The following VPS35L variants were observed in gnomAD, a reference collection of about 807,000 sequenced individuals.
The protein encoded by VPS35L is VPS35 endosomal protein-sorting factor-like.
VPS35L carries 83 observed loss-of-function variants against 133.0 expected under a neutral mutation model. That is an observed-to-expected ratio of 0.62 (90% CI 0.52 to 0.75). VPS35L has a LOEUF of 0.75. Among genes scored for constraint, VPS35L ranks in the 30% least tolerant of loss-of-function variants. VPS35L has a pLI of 0.00. For synonymous variants in VPS35L, 423 were observed against 449.9 expected (o/e 0.94, Z 0.76); for missense variants, 1,083 against 1,206.8 (o/e 0.90, Z 1.52).
chr16:19,698,457 T>C (rs56108048), intron 29 of VPS35L, among the ~76,000 whole-genome samples: 31,334 of 152,112 alleles, frequency 0.21, 3,615 homozygotes, highest in African/African-American at 0.28. Context: ...ATCTAAGATA[T>C]GCTCCCTACC....
chr16:19,674,445 C>T (rs1363849505), intron 27 of VPS35L, among the ~76,000 whole-genome samples: 2 of 151,924 alleles, frequency 1.3e-5, no homozygotes, highest in African/African-American at 2.4e-5. Flanking sequence ...ATCTGCCTGC[C>T]TTGGCCTCCC....
chr16:19,682,870 G>GA (rs560107359), intron 28 of VPS35L, among the ~76,000 whole-genome samples: 18 of 150,354 alleles, frequency 1.2e-4, no homozygotes, highest in Non-Finnish European at 2.1e-4. Context: ...TCCCAAAAAG[G>GA]AAAAAAAAGA....
At chr16:19,638,989 C>CAGGTGTGGTG (rs1246958219) in intron 20 of VPS35L, among the ~76,000 whole-genome samples, 7 of 152,098 alleles carry the variant, frequency 4.6e-5, no homozygotes, top group African/African-American at 1.7e-4. Flanking sequence ...GCCTGTAGTC[C>CAGGTGTGGTG]CAGCTACTGG....
intron 26 of VPS35L, among the ~76,000 whole-genome samples, chr16:19,655,950 T>C (rs893179068): frequency 2.0e-5 from 3 of 152,006 alleles, no homozygotes; most frequent in Non-Finnish European, 4.4e-5. Context: ...ATCTTTACAG[T>C]TTATAATCTA....
rs58794831 is a variant in VPS35L at position 19,570,834 on chromosome 16, C to CAT, written c.285+1298_285+1299dup. 4.3e-3 allele frequency among the ~76,000 whole-genome samples: 338 copies of CAT among 78,626 alleles called. 2 individuals are homozygous for CAT. Among genetic ancestry groups the CAT allele is most frequent in the Non-Finnish European group, 7.1e-3 (256 of 35,942 alleles). The allele number at this position is 78,626 out of a possible 152,430, so 51.6% of individuals were successfully genotyped here. On this transcript the variant is annotated intron_variant, in intron 3 of 30. Transcript: ENST00000417362. Reference sequence around the variant, plus strand: ...TCGATCATCATCCTATGCTGTGTTTCATATATATATATATATATATATATA... The same window carrying CAT: ...TCGATCATCATCCTATGCTGTGTTTCATATATATATATATATATATATATATA...
intron 25 of VPS35L, among the ~76,000 whole-genome samples, chr16:19,651,727 G>A (rs1974131558): frequency 6.6e-6 from 1 of 152,088 alleles, no homozygotes; most frequent in Admixed American, 6.5e-5. Context: ...AATGTTAGGT[G>A]TTACGTATTT....
At chr16:19,635,170 C>G (rs1033870188) in intron 19 of VPS35L, among the ~76,000 whole-genome samples, 1 of 152,022 alleles carries the variant, frequency 6.6e-6, no homozygotes, top group South Asian at 2.1e-4. Flanking sequence ...AAGACCCTAT[C>G]TCTGCAAAAA....
At chr16:19,680,268 C>G (rs1303932843) in intron 27 of VPS35L, among the ~76,000 whole-genome samples, 1 of 152,210 alleles carries the variant, frequency 6.6e-6, no homozygotes, top group Non-Finnish European at 1.5e-5. Context: ...TTCATAGCCA[C>G]TTCAGTACCT....
At position 19,639,741 on chromosome 16, in the gene VPS35L, C is replaced by G. The variant is rs2067724464; in HGVS notation, c.1699-274C>G. On this transcript the variant is annotated intron_variant, in intron 20 of 30. Transcript: ENST00000417362. This position sits in a 1 kb window ranked among gnomAD's most constrained non-coding sequence, Gnocchi z 4.1. ...ACAGGGTTTCGCCATGTTGGCCAGG[C>G]TGGTCTTGAACTCCTGGCCTCAAGT... is the stretch of plus-strand genomic sequence containing the variant. Among the ~76,000 whole-genome samples the G allele has an allele frequency of 6.6e-6, 1 of 152,164 alleles. No individual in the cohort carries two copies.
intron 28 of VPS35L, among the ~76,000 whole-genome samples, chr16:19,685,542 C>T (rs1414560466): frequency 2.6e-5 from 4 of 152,100 alleles, no homozygotes; most frequent in African/African-American, 4.8e-5. Flanking sequence ...TGGCTGTCTG[C>T]GTGGAGGTGG....
intron 24 of VPS35L, among the ~76,000 whole-genome samples, chr16:19,648,367 G>GT (rs772607636): frequency 6.6e-6 from 1 of 152,124 alleles, no homozygotes; most frequent in Non-Finnish European, 1.5e-5. Context: ...TTATTGATCT[G>GT]TTTTTCTGTG....
At chr16:19,653,346 A>G (rs1974194319) in intron 26 of VPS35L, among the ~76,000 whole-genome samples, 1 of 152,346 alleles carries the variant, frequency 6.6e-6, no homozygotes, top group African/African-American at 2.4e-5. Context: ...AGAAATCTTT[A>G]CGCGACATTT....
chr16:19,626,596 T>C (rs943032163), intron 15 of VPS35L, among the ~76,000 whole-genome samples: 9 of 151,952 alleles, frequency 5.9e-5, no homozygotes, highest in African/African-American at 2.2e-4. Flanking sequence ...ACCCCATCTC[T>C]ACTAAAAATA....
intron 26 of VPS35L, among the ~76,000 whole-genome samples, chr16:19,653,400 C>G (rs934967025): frequency 6.6e-6 from 1 of 152,224 alleles, no homozygotes; most frequent in Non-Finnish European, 1.5e-5. Flanking sequence ...CAAGTTATCT[C>G]ATTTCATCCT....
rs114708144 is a variant in VPS35L at position 19,660,724 on chromosome 16, A to G, written c.2222-8436A>G. ...TAGTTAAGTCTGAATTCCTTTTATC[A>G]TGTATTGAGGGTGTTTGGTGAGATT... On this transcript the variant is annotated intron_variant, in intron 26 of 30. Coordinates refer to ENST00000417362, the MANE Select transcript of VPS35L (RefSeq NM_020314.7). 3.6e-3 allele frequency among the ~76,000 whole-genome samples: 551 copies of G among 152,306 alleles called. 3 individuals are homozygous for G. Among genetic ancestry groups the G allele is most frequent in the African/African-American group, 0.013 (534 of 41,580 alleles).
chr16:19,645,491 G>T (rs1040430440), intron 23 of VPS35L, among the ~76,000 whole-genome samples: 1 of 152,066 alleles, frequency 6.6e-6, no homozygotes, highest in Non-Finnish European at 1.5e-5. Context: ...GGGTTTCACT[G>T]TGTTAGCCAG....
At chr16:19,606,223 A>G (rs749116255) in intron 9 of VPS35L, among the ~76,000 whole-genome samples, 1 of 152,232 alleles carries the variant, frequency 6.6e-6, no homozygotes, top group Non-Finnish European at 1.5e-5. Flanking sequence ...CTTCAGCTAG[A>G]CAGTGAGAGA....
intron 16 of VPS35L, among the ~76,000 whole-genome samples, chr16:19,628,353 G>A (rs1045488339): frequency 6.6e-6 from 1 of 152,146 alleles, no homozygotes; most frequent in Non-Finnish European, 1.5e-5. Context: ...GTGAGACCCT[G>A]TCTCAAAACA....
At chr16:19,663,032 G>A (rs1192320054) in intron 26 of VPS35L, among the ~76,000 whole-genome samples, 5 of 151,858 alleles carry the variant, frequency 3.3e-5, no homozygotes, top group Admixed American at 6.6e-5. Context: ...ATAATAGGCC[G>A]GGCACAGTGG....
Sources: gnomAD v4.1 joint callset for allele counts (sites outside exome capture counted in the v4.1 genomes callset) on GRCh38, gnomAD v4.1.1 for gene constraint, Gnocchi (gnomAD v3.1) non-coding constraint, MANE v1.5 for transcripts, NCBI Gene and HGNC (gene_info 2026-07-23, HGNC 2026-07-21) for gene names.